PRKG1: variants seen among roughly 807,000 people sequenced by gnomAD.
PRKG1 encodes the protein cGMP-dependent protein kinase 1.
PRKG1 carries 35 observed loss-of-function variants against 88.1 expected under a neutral mutation model. That is an observed-to-expected ratio of 0.40 (90% CI 0.30 to 0.53). The LOEUF (loss-of-function observed/expected upper bound fraction) is 0.53. Ranked by LOEUF, PRKG1 falls within the 20% of genes least tolerant of loss-of-function variation. The pLI, the probability that PRKG1 is intolerant of heterozygous loss-of-function variation, is 0.59. For missense variants in PRKG1, 540 were observed against 839.8 expected, an observed-to-expected ratio of 0.64 and a Z score of 4.41; for synonymous variants, 303 against 292.5, an observed-to-expected ratio of 1.04 and a Z score of -0.37.
At chr10:52,285,541 A>C (rs901383296) in intron 14 of PRKG1, among the ~76,000 whole-genome samples, 1 of 152,114 alleles carries the variant, frequency 6.6e-6, no homozygotes, top group Admixed American at 6.6e-5. Context: ...TGCTTTTGTG[A>C]GTTCAATGTT....
intron 3 of PRKG1, among the ~76,000 whole-genome samples, chr10:51,521,580 G>A (rs16918968): frequency 0.12 from 18,673 of 152,126 alleles, 3,661 homozygotes; most frequent in African/African-American, 0.42. Context: ...AATACAGAAC[G>A]TAGCCAAGGG....
At chr10:51,443,782 T>C (rs1348804775) in intron 2 of PRKG1, among the ~76,000 whole-genome samples, 1 of 152,018 alleles carries the variant, frequency 6.6e-6, no homozygotes, top group East Asian at 1.9e-4. Context: ...GTAGAAATCC[T>C]GGTTTACATA....
chr10:51,979,227 G>T lies in PRKG1; in HGVS notation c.762+71657G>T, dbSNP rs541417072. On this transcript the variant is annotated intron_variant, in intron 5 of 17. Coordinates refer to ENST00000373980, the MANE Select transcript of PRKG1 (RefSeq NM_006258.4). ...CATCTATTGAGATCATGTAGTTTTTGTCTCTTGTTCTATTTATATGATGAA... is the reference window on the plus strand; with the variant it reads ...CATCTATTGAGATCATGTAGTTTTTTTCTCTTGTTCTATTTATATGATGAA... 4.6e-5 allele frequency among the ~76,000 whole-genome samples: 7 copies of T among 151,918 alleles called. No individual in the cohort carries two copies. The South Asian group carries it at 1.5e-3, about 32-fold the overall frequency.
intron 10 of PRKG1, among the ~76,000 whole-genome samples, chr10:52,265,763 T>C (rs941555001): frequency 1.3e-5 from 2 of 152,112 alleles, no homozygotes; most frequent in Non-Finnish European, 2.9e-5. Context: ...ACATCAGCTA[T>C]AGCCAGATAG....
At chr10:51,089,437 T>C (rs1040514492) in intron 1 of PRKG1, among the ~76,000 whole-genome samples, 1 of 152,220 alleles carries the variant, frequency 6.6e-6, no homozygotes, top group Admixed American at 6.5e-5. Flanking sequence ...AATTATGAGT[T>C]GGTAGAGACC....
At chr10:52,062,467 C>T (rs1846259277) in intron 6 of PRKG1, 70 bp from the exon 7 acceptor site, 1 of 901,144 alleles carries the variant, frequency 1.1e-6, no homozygotes, top group Admixed American at 2.9e-5. Context: ...GAATTAACTT[C>T]ATTAATTAGT....
intron 9 of PRKG1, among the ~76,000 whole-genome samples, chr10:52,173,674 C>T (rs1056569447): frequency 6.6e-6 from 1 of 152,138 alleles, no homozygotes; most frequent in African/African-American, 2.4e-5. Context: ...ACTTTATAAA[C>T]TCTATTAATT....
chr10:51,343,615 A>G (rs1588862884), intron 2 of PRKG1, among the ~76,000 whole-genome samples: 1 of 152,166 alleles, frequency 6.6e-6, no homozygotes, highest in African/African-American at 2.4e-5. Flanking sequence ...TGACAATAAT[A>G]TGTTTTAATA....
rs756992967 is a variant in PRKG1, at chr10:50,991,396, A to C, written c.18A>C (p.Glu6Asp). 6.4e-6 allele frequency: 10 copies of C among 1,551,206 alleles called. No homozygotes were observed. The South Asian group carries it at 1.1e-4, about 17-fold the overall frequency. ...GTGAAAAAATGAGCGAGCTAGAGGA[A>C]GACTTTGCCAAGATTCTCATGCTCA... Residue 6 changes from glutamate (E) to aspartate (D), a missense_variant, in exon 1 of 18, where the codon GAA (glutamate) becomes GAC (aspartate). By Grantham distance (45) the Glu-to-Asp change is conservative. Transcript: ENST00000401604. This position sits in a 1 kb window ranked among gnomAD's most constrained non-coding sequence, Gnocchi z 4.5.
chr10:51,334,807 T>G (rs1456887459), intron 2 of PRKG1, among the ~76,000 whole-genome samples: 1 of 152,064 alleles, frequency 6.6e-6, no homozygotes, highest in Non-Finnish European at 1.5e-5. Flanking sequence ...GCATGGTGAC[T>G]AAAGGAGCCC....
chr10:51,753,067 TAGTAAC>T (rs1837767235), intron 3 of PRKG1, among the ~76,000 whole-genome samples: 1 of 152,152 alleles, frequency 6.6e-6, no homozygotes, highest in Non-Finnish European at 1.5e-5. Flanking sequence ...CTGAGTCTAG[TAGTAAC>T]TAAGTACTTG....
At chr10:51,898,841 T>TA (rs1841915430) in intron 4 of PRKG1, among the ~76,000 whole-genome samples, 2 of 152,108 alleles carry the variant, frequency 1.3e-5, no homozygotes, top group African/African-American at 4.8e-5. Context: ...GAAATAATAT[T>TA]TTTTTCTTTA....
intron 4 of PRKG1, among the ~76,000 whole-genome samples, chr10:51,839,590 A>G (rs1359285025): frequency 6.6e-6 from 1 of 152,234 alleles, no homozygotes; most frequent in Non-Finnish European, 1.5e-5. Flanking sequence ...CAGGAATTAT[A>G]TTGAAAACCA....
At chr10:51,391,944 A>G (rs1837415922) in intron 2 of PRKG1, among the ~76,000 whole-genome samples, 1 of 152,208 alleles carries the variant, frequency 6.6e-6, no homozygotes, top group Non-Finnish European at 1.5e-5. Context: ...GAAAGTTATG[A>G]CTGGTTCTGC....
intron 1 of PRKG1, among the ~76,000 whole-genome samples, chr10:51,049,105 C>T (rs1843528359): frequency 6.6e-6 from 1 of 152,146 alleles, no homozygotes; most frequent in African/African-American, 2.4e-5. Flanking sequence ...GCTCCCGCGT[C>T]CCACACCGGC....
At chr10:52,052,424 A>AAATAATAATAAT (rs143155555) in intron 5 of PRKG1, among the ~76,000 whole-genome samples, 4 of 150,138 alleles carry the variant, frequency 2.7e-5, no homozygotes, top group African/African-American at 9.7e-5. Flanking sequence ...AAAAAAAATA[A>AAATAATAATAAT]AATAATAATA....
At chr10:51,116,732 G>A (rs1845131649) in intron 1 of PRKG1, among the ~76,000 whole-genome samples, 1 of 152,160 alleles carries the variant, frequency 6.6e-6, no homozygotes. Context: ...GTAGTTAATA[G>A]ACCAGTGGGA....
At chr10:51,167,793 G>A (rs1408873310) in intron 2 of PRKG1, among the ~76,000 whole-genome samples, 10 of 152,154 alleles carry the variant, frequency 6.6e-5, no homozygotes, top group Non-Finnish European at 1.3e-4. Context: ...ATGGAAAAAA[G>A]TGAGATACTT....
rs779004659 is a variant in PRKG1 at position 52,294,060 on chromosome 10, C to T, written c.*160C>T. On this transcript the variant is annotated 3_prime_UTR_variant, in exon 18 of 18. Transcript: ENST00000373980. ...ACTACAGTGGCATTAGGACTTACCG[C>T]TTAGATGACAATAGTGCTCTTTACA... is the stretch of plus-strand genomic sequence containing the variant. 1 of 558,440 alleles carries T rather than the reference C, an allele frequency of 1.8e-6. No homozygotes were observed. The highest frequency in any genetic ancestry group is 3.2e-6 in the Non-Finnish European group (1 of 316,630). The allele number at this position is 558,440 out of a possible 1,614,324, so 34.6% of individuals were successfully genotyped here.
Sources: gnomAD v4.1 joint callset for allele counts (sites outside exome capture counted in the v4.1 genomes callset) on GRCh38, gnomAD v4.1.1 for gene constraint, Gnocchi (gnomAD v3.1) non-coding constraint, MANE v1.5 for transcripts, NCBI Gene and HGNC (gene_info 2026-07-23, HGNC 2026-07-21) for gene names.